The following CDH13 variants were observed in gnomAD, a reference collection of about 807,000 sequenced individuals.
The protein encoded by CDH13 is cadherin-13.
A neutral mutation model predicts 63.8 loss-of-function variants in CDH13; 24 were observed. The ratio of observed to expected loss-of-function variants is 0.38; its 90% CI spans 0.27 to 0.53. The LOEUF (loss-of-function observed/expected upper bound fraction) is 0.53, where lower values mean the gene tolerates loss of function less well. Among genes scored for constraint, CDH13 ranks in the 20% least tolerant of loss-of-function variants. The probability of loss-of-function intolerance (pLI) is 0.85; values close to 1 mark genes in which losing one functional copy is unlikely to be tolerated. For synonymous variants in CDH13, 503 were observed against 355.3 expected (o/e 1.42, Z -4.67); for missense variants, 1,049 against 903.1 (o/e 1.16, Z -2.07).
At chr16:82,762,766 G>T (rs2034902518) in intron 1 of CDH13, among the ~76,000 whole-genome samples, 1 of 152,224 alleles carries the variant, frequency 6.6e-6, no homozygotes, top group Non-Finnish European at 1.5e-5. Context: ...GAAAGAGGAA[G>T]AGAAGAGTTC....
intron 5 of CDH13, among the ~76,000 whole-genome samples, chr16:83,293,487 C>A (rs1027520184): frequency 2.0e-5 from 3 of 152,142 alleles, no homozygotes; most frequent in African/African-American, 7.2e-5. Context: ...ACCTTCATAG[C>A]AAGACTTTAT....
chr16:83,037,479 C>G (rs1322491942), intron 3 of CDH13, among the ~76,000 whole-genome samples: 1 of 152,170 alleles, frequency 6.6e-6, no homozygotes, highest in Non-Finnish European at 1.5e-5. Context: ...GGAGGGAAAC[C>G]AGAAGCAAGA....
chr16:82,862,980 A>G (rs1031114318), intron 2 of CDH13, among the ~76,000 whole-genome samples: 2 of 152,178 alleles, frequency 1.3e-5, no homozygotes, highest in African/African-American at 2.4e-5. Context: ...GTGCTTAAAT[A>G]CCTCAGCCCC....
At chr16:83,064,838 T>G (rs1830021537) in intron 3 of CDH13, among the ~76,000 whole-genome samples, 1 of 152,216 alleles carries the variant, frequency 6.6e-6, no homozygotes, top group Non-Finnish European at 1.5e-5. Flanking sequence ...ATCACCTCAG[T>G]TACCTATCCT....
intron 6 of CDH13, among the ~76,000 whole-genome samples, chr16:83,424,369 CA>C (rs2071822439): frequency 6.6e-6 from 1 of 152,202 alleles, no homozygotes. Context: ...GCATTGGTTG[CA>C]TATCTGCAGT....
At chr16:82,941,968 T>A (rs142090902) in intron 2 of CDH13, among the ~76,000 whole-genome samples, 1 of 152,340 alleles carries the variant, frequency 6.6e-6, no homozygotes, top group East Asian at 1.9e-4. Flanking sequence ...GATGCATGAA[T>A]TACAAGTCTC....
intron 2 of CDH13, among the ~76,000 whole-genome samples, chr16:82,983,031 C>T (rs1473819634): frequency 6.6e-6 from 1 of 152,166 alleles, no homozygotes; most frequent in Non-Finnish European, 1.5e-5. Flanking sequence ...ACCCCAGATG[C>T]TGTACTCTGA....
chr16:83,294,069 T>A (rs1597683802), intron 5 of CDH13, among the ~76,000 whole-genome samples: 1 of 152,196 alleles, frequency 6.6e-6, no homozygotes, highest in Non-Finnish European at 1.5e-5. Context: ...CTGACTTCTG[T>A]TTATAAACTA....
intron 1 of CDH13, among the ~76,000 whole-genome samples, chr16:82,856,820 C>G (rs2039722397): frequency 6.6e-6 from 1 of 151,060 alleles, no homozygotes; most frequent in African/African-American, 2.4e-5. Flanking sequence ...AGTTATCAAG[C>G]TAGATTCTCT....
intron 10 of CDH13, among the ~76,000 whole-genome samples, chr16:83,731,328 C>T (rs12929246): frequency 0.71 from 108,005 of 151,810 alleles, 39,194 homozygotes; most frequent in Middle Eastern, 0.81. Context: ...CAGCATCTGT[C>T]ATTTTTTGAC....
chr16:83,673,847 C>T (rs1170430171), intron 9 of CDH13, among the ~76,000 whole-genome samples: 1 of 152,214 alleles, frequency 6.6e-6, no homozygotes, highest in Non-Finnish European at 1.5e-5. Flanking sequence ...CAGTTTCCAT[C>T]AGCTTGTCCG....
chr16:83,268,678 A>G (rs2088699934), intron 5 of CDH13, among the ~76,000 whole-genome samples: 1 of 152,252 alleles, frequency 6.6e-6, no homozygotes, highest in Admixed American at 6.5e-5. Flanking sequence ...TAGTGCAGAC[A>G]TTCTTCCTAC....
At chr16:83,164,655 G>A (rs1043728080) in intron 4 of CDH13, among the ~76,000 whole-genome samples, 8 of 151,100 alleles carry the variant, frequency 5.3e-5, no homozygotes, top group African/African-American at 1.7e-4. Flanking sequence ...GGGAGGCGGA[G>A]GTTGCAGTGA....
At chr16:83,025,280 A>G (rs1457948618) in intron 2 of CDH13, among the ~76,000 whole-genome samples, 2 of 152,200 alleles carry the variant, frequency 1.3e-5, no homozygotes, top group African/African-American at 2.4e-5. Flanking sequence ...TATAGGTGGT[A>G]TATTAGTCCA....
chr16:83,188,571 C>T (rs1275542758), intron 4 of CDH13, among the ~76,000 whole-genome samples: 7 of 152,136 alleles, frequency 4.6e-5, no homozygotes, highest in Admixed American at 1.3e-4. Flanking sequence ...CCATGCCAGG[C>T]GTTGGCCATG....
intron 2 of CDH13, among the ~76,000 whole-genome samples, chr16:82,929,189 T>A (rs370755696): frequency 1.1e-4 from 16 of 152,174 alleles, no homozygotes; most frequent in East Asian, 9.6e-4. Context: ...ATGTTTGTGC[T>A]CCCCAGAATT....
chr16:82,833,104 G>A (rs1281316107), intron 1 of CDH13, among the ~76,000 whole-genome samples: 1 of 152,212 alleles, frequency 6.6e-6, no homozygotes, highest in Non-Finnish European at 1.5e-5. Context: ...GCAGACAGAA[G>A]GAGAGCCAAT....
chr16:83,498,007 A>G (rs13334420), intron 7 of CDH13, among the ~76,000 whole-genome samples: 8,040 of 152,342 alleles, frequency 0.053, 737 homozygotes, highest in African/African-American at 0.18. Context: ...TCAGACAGAC[A>G]CTTGGTAATT....
At chr16:83,076,379 G>A (rs2032835211) in intron 3 of CDH13, among the ~76,000 whole-genome samples, 1 of 152,122 alleles carries the variant, frequency 6.6e-6, no homozygotes, top group Non-Finnish European at 1.5e-5. Flanking sequence ...CTTGTTGCTG[G>A]GGATTGGGAT....
Sources: allele counts gnomAD v4.1 joint callset (sites outside exome capture counted in the v4.1 genomes callset), GRCh38; gene constraint gnomAD v4.1.1; transcripts MANE v1.5; gene names NCBI Gene and HGNC (gene_info 2026-07-23, HGNC 2026-07-21).